SCFD2: variants seen among roughly 807,000 people sequenced by gnomAD.
SCFD2 encodes sec1 family domain-containing protein 2.
Under a neutral mutation model 58.9 loss-of-function variants are expected in SCFD2, and 54 were observed. That is an observed-to-expected ratio of 0.92 (90% CI 0.74 to 1.15). SCFD2 has a LOEUF of 1.15. Among genes scored for constraint, SCFD2 ranks in the 50% most tolerant of loss-of-function variants. SCFD2 has a pLI of 0.00. For synonymous variants in SCFD2, 321 were observed against 335.9 expected (o/e 0.96, Z 0.49); for missense variants, 805 against 836.6 (o/e 0.96, Z 0.47).
rs1315224416 is a variant in SCFD2 at position 53,083,225 on chromosome 4, A to T, written c.1561+62108T>A. Among the ~76,000 whole-genome samples the T allele has an allele frequency of 3.3e-5, 5 of 152,206 alleles. No homozygotes were observed. The East Asian group carries it at 9.6e-4, about 29-fold the overall frequency. On this transcript the variant is annotated intron_variant, in intron 5 of 8. Transcript: ENST00000401642. ...TCTGGTGAGGTCACAGAAAGAAAGA[A>T]GAAGAACTGTAGAGAAAGCCTCAAT... is the stretch of plus-strand genomic sequence containing the variant.
chr4:53,100,265 A>G (rs976256982), intron 5 of SCFD2, among the ~76,000 whole-genome samples: 5 of 152,178 alleles, frequency 3.3e-5, no homozygotes, highest in African/African-American at 9.7e-5. Context: ...ATGTAGGATA[A>G]TAATAGCAAC....
intron 7 of SCFD2, among the ~76,000 whole-genome samples, chr4:52,897,303 T>C (rs953809456): frequency 3.3e-5 from 5 of 152,236 alleles, no homozygotes; most frequent in African/African-American, 7.2e-5. Context: ...TTGTCATAGA[T>C]AGCTCTTATT....
chr4:53,217,633 C>G (rs1315126398), intron 4 of SCFD2, among the ~76,000 whole-genome samples: 2 of 152,138 alleles, frequency 1.3e-5, no homozygotes, highest in African/African-American at 2.4e-5. Context: ...GAGCATTTAG[C>G]CCATTTACAT....
chr4:53,247,581 C>T lies in SCFD2; in HGVS notation c.1311+26245G>A, dbSNP rs1485900388. ...GCCATAAAAAATAACAAGATCAGGCCGGGCGCGGTGGCTCACGCCTGTAAT... is the reference window on the plus strand; with the variant it reads ...GCCATAAAAAATAACAAGATCAGGCTGGGCGCGGTGGCTCACGCCTGTAAT... On this transcript the variant is annotated intron_variant, in intron 4 of 8. Transcript: ENST00000401642. 9.2e-5 allele frequency among the ~76,000 whole-genome samples: 14 copies of T among 152,208 alleles called. No homozygotes were observed. The South Asian group carries it at 2.7e-3, about 29-fold the overall frequency.
intron 7 of SCFD2, among the ~76,000 whole-genome samples, chr4:52,892,163 C>A (rs965063980): frequency 6.6e-6 from 1 of 152,252 alleles, no homozygotes; most frequent in Non-Finnish European, 1.5e-5. Flanking sequence ...AATGTTAACA[C>A]TGTCCATTCA....
chr4:53,044,809 A>G (rs1425914332), intron 5 of SCFD2, among the ~76,000 whole-genome samples: 1 of 150,018 alleles, frequency 6.7e-6, no homozygotes, highest in Non-Finnish European at 1.5e-5. Context: ...TGAGTCAATT[A>G]GGAGGCAAGA....
At chr4:53,240,762 C>G (rs946137988) in intron 4 of SCFD2, among the ~76,000 whole-genome samples, 1 of 152,208 alleles carries the variant, frequency 6.6e-6, no homozygotes, top group African/African-American at 2.4e-5. Flanking sequence ...GTCAGGCATC[C>G]GGAAGTGGCT....
intron 7 of SCFD2, among the ~76,000 whole-genome samples, chr4:52,894,016 C>T (rs1470996103): frequency 6.6e-6 from 1 of 152,156 alleles, no homozygotes; most frequent in East Asian, 1.9e-4. Flanking sequence ...CTTACCCCCT[C>T]ACCACCAGCA....
intron 5 of SCFD2, among the ~76,000 whole-genome samples, chr4:53,049,045 G>A (rs972804554): frequency 2.0e-5 from 3 of 152,192 alleles, no homozygotes; most frequent in Non-Finnish European, 2.9e-5. Flanking sequence ...CAGTGTGTGA[G>A]AATTGGAAAA....
chr4:53,024,923 C>G (rs1422627089), intron 5 of SCFD2, among the ~76,000 whole-genome samples: 1 of 152,110 alleles, frequency 6.6e-6, no homozygotes, highest in East Asian at 1.9e-4. Context: ...CCTCTTGACT[C>G]CCCCTAGAAT....
chr4:53,002,316 T>G (rs1282326023), intron 5 of SCFD2, among the ~76,000 whole-genome samples: 22 of 152,150 alleles, frequency 1.4e-4, no homozygotes, highest in Admixed American at 1.4e-3. Context: ...GGTGAGGATA[T>G]GTCAGAGAAG....
chr4:53,256,505 G>C (rs1730638195), intron 4 of SCFD2, among the ~76,000 whole-genome samples: 1 of 152,126 alleles, frequency 6.6e-6, no homozygotes, highest in South Asian at 2.1e-4. Context: ...TGCAATCTCG[G>C]CACTTTGGGA....
intron 5 of SCFD2, among the ~76,000 whole-genome samples, chr4:53,003,285 G>C: frequency 6.6e-6 from 1 of 152,100 alleles, no homozygotes; most frequent in South Asian, 2.1e-4. Context: ...ACGGATCTCT[G>C]TCCTCATCAG....
At chr4:53,332,447 G>A (rs371861660) in intron 2 of SCFD2, among the ~76,000 whole-genome samples, 6 of 151,792 alleles carry the variant, frequency 4.0e-5, no homozygotes, top group Admixed American at 2.6e-4. Context: ...TTCAATATAC[G>A]CAAATCAATA....
chr4:53,048,944 C>A (rs1282845090), intron 5 of SCFD2, among the ~76,000 whole-genome samples: 2 of 151,910 alleles, frequency 1.3e-5, no homozygotes, highest in East Asian at 3.9e-4. Context: ...GAGACCTAGT[C>A]TCAAATAAAT....
chr4:53,314,094 A>G (rs1011809839), intron 2 of SCFD2, among the ~76,000 whole-genome samples: 3 of 152,334 alleles, frequency 2.0e-5, no homozygotes, highest in East Asian at 3.9e-4. Flanking sequence ...CTAGAGTAAT[A>G]TAAATGTTAT....
At chr4:53,205,943 A>T (rs1728393757) in intron 4 of SCFD2, among the ~76,000 whole-genome samples, 1 of 152,142 alleles carries the variant, frequency 6.6e-6, no homozygotes, top group Non-Finnish European at 1.5e-5. Flanking sequence ...ATCAACTCAA[A>T]GGAAAAAGTA....
chr4:53,280,494 C>T (rs572010788), intron 3 of SCFD2, among the ~76,000 whole-genome samples: 2 of 150,138 alleles, frequency 1.3e-5, no homozygotes, highest in South Asian at 2.1e-4. Flanking sequence ...CCAGCCTGGG[C>T]GACAGAGGGA....
chr4:53,176,874 G>A (rs12646150), intron 4 of SCFD2, among the ~76,000 whole-genome samples: 17,137 of 150,570 alleles, frequency 0.11, 1,069 homozygotes, highest in East Asian at 0.24. Context: ...ACTTGAACCC[G>A]GGAGGCAAAG....
Sources: allele counts gnomAD v4.1 joint callset (sites outside exome capture counted in the v4.1 genomes callset), GRCh38; gene constraint gnomAD v4.1.1; transcripts MANE v1.5; gene names NCBI Gene and HGNC (gene_info 2026-07-23, HGNC 2026-07-21).